MFSD2B: variants seen among roughly 807,000 people sequenced by gnomAD.
The protein encoded by MFSD2B is MFSD2 lysolipid transporter B, sphingolipid.
Under a neutral mutation model 58.4 loss-of-function variants are expected in MFSD2B, and 56 were observed. The observed-to-expected ratio is 0.96, with a 90% CI of 0.77 to 1.20. The LOEUF (loss-of-function observed/expected upper bound fraction) is 1.20. Among genes scored for constraint, MFSD2B ranks in the 50% most tolerant of loss-of-function variants. The pLI is 0.00. For synonymous variants in MFSD2B, 287 were observed against 294.4 expected, an observed-to-expected ratio of 0.97 and a Z score of 0.26; for missense variants, 645 against 667.6, an observed-to-expected ratio of 0.97 and a Z score of 0.37.
Position 24,021,570 on chromosome 2 carries a change from G to T in MFSD2B, c.682-78G>T. The T allele has an allele frequency of 2.9e-6, 4 of 1,363,858 alleles. No homozygotes were observed. Among genetic ancestry groups the T allele is most frequent in the Non-Finnish European group, 4.1e-6 (4 of 976,110 alleles). The allele number at this position is 1,363,858 out of a possible 1,614,324, so 84.5% of individuals were successfully genotyped here. The stretch of plus-strand genomic sequence containing the variant: ...CTCCCTCCGCTCCCACTGGGAGGCA[G>T]TACTGCCCTGCCCCTCCGGTGTCAC... On this transcript the variant is annotated intron_variant, in intron 6 of 13. Coordinates refer to ENST00000338315, the MANE Select transcript of MFSD2B (RefSeq NM_001346880.2). This position sits in a 1 kb window ranked among gnomAD's most constrained non-coding sequence, Gnocchi z 5.7.
In MFSD2B at chr2:24,017,072, G is replaced by A. The variant is rs1016809723; in HGVS notation, c.471+104G>A. The A allele has an allele frequency of 6.7e-6, 10 of 1,486,308 alleles. No individual in the cohort carries two copies. Among genetic ancestry groups the A allele is most frequent in the African/African-American group, 4.1e-5 (3 of 72,588 alleles). The allele number at this position is 1,486,308 out of a possible 1,614,324, so 92.1% of individuals were successfully genotyped here. A position where few individuals can be genotyped will look rare whatever the true frequency, so the allele number is the denominator to read the frequency against. On this transcript the variant is annotated intron_variant, in intron 4 of 13. Coordinates refer to ENST00000338315, the MANE Select transcript of MFSD2B (RefSeq NM_001346880.2). The surrounding 1 kb of genome is among the most constrained non-coding windows in gnomAD (Gnocchi z 4.8). ...GGCAGGGCTGCCGCCCTCCCCACCC[G>A]CCTGTGCCTGGACCATGCCATTGGC...
At position 24,017,802 on chromosome 2, in the gene MFSD2B, A is replaced by G. The variant is rs1709214802; in HGVS notation, c.681+214A>G. On this transcript the variant is annotated intron_variant, in intron 6 of 13. Transcript: ENST00000338315. This position sits in a 1 kb window ranked among gnomAD's most constrained non-coding sequence, Gnocchi z 4.8. ...CTGCCTCCTTCTGGGTTCCTTCTAG[A>G]CATAAAATAGAATAGACACTGGGCC... Among the ~76,000 whole-genome samples the G allele has an allele frequency of 6.6e-6, 1 of 152,156 alleles. No homozygotes were observed. The highest frequency in any genetic ancestry group is 2.1e-4 in the South Asian group (1 of 4,832).
rs1003846180 is a variant in MFSD2B at position 24,021,798 on chromosome 2, G to A, written c.773-51G>A. ...GGGGCAGGGCTCTGCTTGGGGGCAGGTTTTGCTTTTGAACTCTGCGAAGCC... is the reference window on the plus strand; with the variant it reads ...GGGGCAGGGCTCTGCTTGGGGGCAGATTTTGCTTTTGAACTCTGCGAAGCC... On this transcript the variant is annotated intron_variant, in intron 7 of 13. Transcript: ENST00000338315. This position sits in a 1 kb window ranked among gnomAD's most constrained non-coding sequence, Gnocchi z 5.7. 1.1e-5 allele frequency: 18 copies of A among 1,613,114 alleles called. No homozygotes were observed. The South Asian group carries it at 2.0e-4, about 18-fold the overall frequency.
intron 2 of MFSD2B, among the ~76,000 whole-genome samples, chr2:24,015,392 C>G (rs1709104830): frequency 1.3e-5 from 2 of 151,982 alleles, no homozygotes. Context: ...GCAGTGGTTG[C>G]AGTGAGCCGA....
intron 1 of MFSD2B, 30 bp from the exon 2 acceptor site, chr2:24,013,255 A>T (rs1413786530): frequency 2.6e-6 from 4 of 1,556,696 alleles, no homozygotes; most frequent in Admixed American, 3.4e-5. Context: ...GTCTGTTGGG[A>T]GAAGGGCTTA....
intron 1 of MFSD2B, among the ~76,000 whole-genome samples, 181 bp downstream of exon 1, chr2:24,010,373 C>T (rs998484160): frequency 2.0e-5 from 3 of 152,214 alleles, no homozygotes; most frequent in Non-Finnish European, 2.9e-5. Context: ...GTGCCGGCGC[C>T]GGAAAGAGAC....
chr2:24,010,511 C>T (rs1228775296), intron 1 of MFSD2B, among the ~76,000 whole-genome samples: 1 of 152,186 alleles, frequency 6.6e-6, no homozygotes, highest in African/African-American at 2.4e-5. Flanking sequence ...GAGCTCTGGG[C>T]AGGCAGGGCT....
Position 24,024,181 on chromosome 2 carries a change from G to A in MFSD2B, c.1400G>A (p.Cys467Tyr), listed in dbSNP as rs1239443829. The A allele has an allele frequency of 6.2e-7, 1 of 1,613,850 alleles. No individual in the cohort carries two copies. The highest frequency in any genetic ancestry group is 2.2e-5 in the East Asian group (1 of 44,866). The change falls in exon 13 of 14, where the codon TGC becomes TAC. Residue 467 changes from cysteine to tyrosine, a missense_variant. Physicochemically the swap from Cys to Tyr is radical, Grantham distance 194 (BLOSUM62 -2). Transcript: ENST00000338315. The surrounding 1 kb of genome is among the most constrained non-coding windows in gnomAD (Gnocchi z 4.3). ...GTCCTCATTGGCGCCGTGCCCACCT[G>A]CATGATCCTTGCTGGGCTCTGCATC... is the stretch of plus-strand genomic sequence containing the variant. ...LKVLIGAVPT[C>Y]MILAGLCILM...
chr2:24,016,114 T>C (rs770455895), intron 2 of MFSD2B, 42 bp from the exon 3 acceptor site: 3 of 1,610,778 alleles, frequency 1.9e-6, no homozygotes, highest in Non-Finnish European at 2.5e-6. Context: ...TCTCTGCTGC[T>C]GCTGGGCCTC....
rs1359723872 is a variant in MFSD2B at position 24,017,500 on chromosome 2, T to C, written c.593T>C (p.Val198Ala). 1 of 1,595,968 alleles carries C rather than the reference T, an allele frequency of 6.3e-7. No individual in the cohort carries two copies. The highest frequency in any genetic ancestry group is 8.5e-7 in the Non-Finnish European group (1 of 1,171,454). Reference protein sequence around the residue: ...EMAGTLMGATVHGLIVSGAHR... With the variant: ...EMAGTLMGATAHGLIVSGAHR... ...GCGGGAACACTGATGGGGGCCACTG[T>C]CCACGGGCTCATCGTGTCCGGCGCC... is the stretch of plus-strand genomic sequence containing the variant. The change falls in exon 6 of 14, where the codon GTC becomes GCC. Residue 198 changes from valine (V) to alanine (A), a missense_variant. Val to Ala is a moderately conservative substitution (Grantham distance 64). Coordinates refer to ENST00000338315, the MANE Select transcript of MFSD2B (RefSeq NM_001346880.2). The surrounding 1 kb of genome is among the most constrained non-coding windows in gnomAD (Gnocchi z 4.8).
intron 1 of MFSD2B, among the ~76,000 whole-genome samples, chr2:24,010,470 C>G (rs1203293225): frequency 6.6e-6 from 1 of 152,222 alleles, no homozygotes; most frequent in Non-Finnish European, 1.5e-5. Flanking sequence ...GGGGTCTTGT[C>G]CGTGCCACCG....
chr2:24,018,931 A>C (rs1662644716), intron 6 of MFSD2B, among the ~76,000 whole-genome samples: 1 of 148,074 alleles, frequency 6.8e-6, no homozygotes, highest in African/African-American at 2.5e-5. Flanking sequence ...GCTCACTGCA[A>C]CCTCCGTCTC....
chr2:24,010,301 A>C, intron 1 of MFSD2B, 109 bp downstream of exon 1: 2 of 874,378 alleles, frequency 2.3e-6, no homozygotes, highest in Non-Finnish European at 3.1e-6. Flanking sequence ...GCTCGGCCCA[A>C]ACCTGCCAGC....
intron 1 of MFSD2B, among the ~76,000 whole-genome samples, chr2:24,011,381 T>C (rs1397061898): frequency 2.0e-5 from 3 of 152,206 alleles, no homozygotes; most frequent in African/African-American, 7.2e-5. Context: ...ATTCTGCCTG[T>C]TCTTAAAGTT....
intron 2 of MFSD2B, among the ~76,000 whole-genome samples, chr2:24,014,736 A>T (rs1315794197): frequency 1.3e-5 from 2 of 152,174 alleles, no homozygotes; most frequent in Non-Finnish European, 2.9e-5. Flanking sequence ...GAGCATGGAG[A>T]AAATTCTAGA....
chr2:24,015,529 T>C (rs1292091113), intron 2 of MFSD2B, among the ~76,000 whole-genome samples: 3 of 152,232 alleles, frequency 2.0e-5, no homozygotes, highest in African/African-American at 7.2e-5. Flanking sequence ...ATCCCATTTA[T>C]ATAAACTGAT....
At position 24,017,755 on chromosome 2, in the gene MFSD2B, A is replaced by G. The variant is rs938010596; in HGVS notation, c.681+167A>G. On this transcript the variant is annotated intron_variant, in intron 6 of 13. Coordinates refer to ENST00000338315, the MANE Select transcript of MFSD2B (RefSeq NM_001346880.2). The surrounding 1 kb of genome is among the most constrained non-coding windows in gnomAD (Gnocchi z 4.8). The stretch of plus-strand genomic sequence containing the variant: ...CCTCCAGTTGAGCAGATGGCCCCCA[A>G]ATCTAACGTCCTCTGCTAAACCTGC... 3.9e-5 allele frequency among the ~76,000 whole-genome samples: 6 copies of G among 152,098 alleles called. No individual in the cohort carries two copies. The highest frequency in any genetic ancestry group is 1.4e-4 in the African/African-American group (6 of 41,408).
Position 24,022,914 on chromosome 2 carries a change from G to A in MFSD2B, c.1059+12G>A, listed in dbSNP as rs376165297. 35 of 1,603,702 alleles carry A rather than the reference G, an allele frequency of 2.2e-5. No homozygotes were observed. The highest frequency in any genetic ancestry group is 2.7e-5 in the Non-Finnish European group (32 of 1,175,422). ...CCTTTGGGATCTTTGTGAGTGAGGC[G>A]GGAATCAAGGATTGGGGGTGGCCGG... On this transcript the variant is annotated intron_variant, in intron 10 of 13. Coordinates refer to ENST00000338315, the MANE Select transcript of MFSD2B (RefSeq NM_001346880.2). The surrounding 1 kb of genome is among the most constrained non-coding windows in gnomAD (Gnocchi z 4.5).
Position 24,017,599 on chromosome 2 carries a change from T to C in MFSD2B, c.681+11T>C, listed in dbSNP as rs1310179016. On this transcript the variant is annotated intron_variant, in intron 6 of 13. Coordinates refer to ENST00000338315, the MANE Select transcript of MFSD2B (RefSeq NM_001346880.2). The surrounding 1 kb of genome is among the most constrained non-coding windows in gnomAD (Gnocchi z 4.8). ...GTCTCCCCGAATGCAGTAAGTGCAC[T>C]GGGTGGCAAGGCCCCCCAACCTGGG... The C allele has an allele frequency of 6.5e-7, 1 of 1,541,388 alleles. No homozygotes were observed. The highest frequency in any genetic ancestry group is 1.2e-5 in the South Asian group (1 of 82,766).
Sources: allele counts gnomAD v4.1 joint callset (sites outside exome capture counted in the v4.1 genomes callset), GRCh38; gene constraint gnomAD v4.1.1; non-coding constraint Gnocchi (gnomAD v3.1); transcripts MANE v1.5; gene names NCBI Gene and HGNC (gene_info 2026-07-23, HGNC 2026-07-21).